Variants in FAM200B observed in about 807,000 individuals in gnomAD.
FAM200B encodes zinc finger BED-type containing 11.
A neutral mutation model predicts 33.1 loss-of-function variants in FAM200B; 32 were observed. The observed-to-expected ratio is 0.97, with a 90% CI of 0.73 to 1.30. The LOEUF (loss-of-function observed/expected upper bound fraction) is 1.30. Among genes scored for constraint, FAM200B ranks in the 50% most tolerant of loss-of-function variants. FAM200B has a pLI of 0.00. For missense variants in FAM200B, 741 were observed against 754.0 expected, an observed-to-expected ratio of 0.98 and a Z score of 0.20; for synonymous variants, 240 against 264.8, an observed-to-expected ratio of 0.91 and a Z score of 0.91.
At chr4:15,644,838 A>G in the FAM200B span, 2 of 641,550 alleles carry the variant, frequency 3.1e-6, no homozygotes, top group Non-Finnish European at 5.2e-6. Flanking sequence ...AAGTACAAAT[A>G]AAAGAAATTC....
rs1209998441 is a variant in FAM200B at position 15,687,989 on chromosome 4, AT to A, written c.1014del (p.Pro339HisfsTer8). ...TCGTGAAGGTTTAGCATCCAGAGAAATTCCACAGAATCTCATGGAGGTATTG... is the reference window on the plus strand; with the variant it reads ...TCGTGAAGGTTTAGCATCCAGAGAAATCCACAGAATCTCATGGAGGTATTG... ...IHREGLASRE[I>X]PQNLMEVLKN... is the part of the protein sequence containing the mutation. On this transcript the variant is annotated frameshift_variant, in exon 2 of 2. Coordinates refer to ENST00000422728, the MANE Select transcript of FAM200B (RefSeq NM_001145191.2). LOFTEE classifies it high-confidence loss of function. 4 of 1,551,126 alleles carry A rather than the reference AT, an allele frequency of 2.6e-6. No individual in the cohort carries two copies. The highest frequency in any genetic ancestry group is 3.5e-6 in the Non-Finnish European group (4 of 1,146,658).
intron 1 of FAM200B, among the ~76,000 whole-genome samples, chr4:15,685,130 C>G (rs1718712152): frequency 6.6e-6 from 1 of 152,052 alleles, no homozygotes; most frequent in Non-Finnish European, 1.5e-5. Flanking sequence ...GTAACTAGAC[C>G]AATAACACAA....
the FAM200B span, among the ~76,000 whole-genome samples, chr4:15,649,855 T>C: frequency 6.6e-6 from 1 of 151,364 alleles, no homozygotes; most frequent in African/African-American, 2.4e-5. Context: ...ACAAACAGAG[T>C]CTCAGGAAGA....
In FAM200B at chr4:15,688,952, T is replaced by C. The variant is rs540538776; in HGVS notation, c.*1T>C. The stretch of plus-strand genomic sequence containing the variant: ...GAACAGGCAAGCACACCCATCATAG[T>C]AAATAAAAATCTTACCTAGCTTTTG... On this transcript the variant is annotated 3_prime_UTR_variant, in exon 2 of 2. Coordinates refer to ENST00000422728, the MANE Select transcript of FAM200B (RefSeq NM_001145191.2). The C allele has an allele frequency of 7.7e-6, 11 of 1,431,124 alleles. No homozygotes were observed. Among genetic ancestry groups the C allele is most frequent in the Non-Finnish European group, 9.2e-6 (10 of 1,087,030 alleles). The allele number at this position is 1,431,124 out of a possible 1,614,324, so 88.7% of individuals were successfully genotyped here.
chr4:15,655,909 A>T, the FAM200B span, among the ~76,000 whole-genome samples: 1 of 152,224 alleles, frequency 6.6e-6, no homozygotes, highest in African/African-American at 2.4e-5. Context: ...GCGGTTGGTG[A>T]ACCAGAGCTG....
At chr4:15,649,796 C>T in the FAM200B span, among the ~76,000 whole-genome samples, 1 of 151,944 alleles carries the variant, frequency 6.6e-6, no homozygotes, top group East Asian at 1.9e-4. Context: ...ATATTTAATT[C>T]TTAAAACAAC....
At chr4:15,671,445 G>T in the FAM200B span, among the ~76,000 whole-genome samples, 28 of 151,842 alleles carry the variant, frequency 1.8e-4, no homozygotes, top group African/African-American at 6.5e-4. Flanking sequence ...TCTGGTTTGG[G>T]TTTTTGTTTA....
the FAM200B span, chr4:15,655,412 T>C: frequency 1.0e-6 from 1 of 991,362 alleles, no homozygotes; most frequent in Non-Finnish European, 1.2e-6. Context: ...GCGCGCCCGG[T>C]CGGCTTGGCC....
the FAM200B span, among the ~76,000 whole-genome samples, chr4:15,663,970 G>GCATGAA: frequency 6.6e-6 from 1 of 152,154 alleles, no homozygotes; most frequent in Non-Finnish European, 1.5e-5. Context: ...CAGAATGACT[G>GCATGAA]CATGAATTGT....
the FAM200B span, among the ~76,000 whole-genome samples, chr4:15,662,271 C>A: frequency 6.7e-6 from 1 of 150,346 alleles, no homozygotes; most frequent in Non-Finnish European, 1.5e-5. Context: ...TAGGCTCCTT[C>A]CACGGCTCTA....
the FAM200B span, among the ~76,000 whole-genome samples, chr4:15,639,959 G>A: frequency 1.6e-4 from 25 of 152,110 alleles, no homozygotes; most frequent in African/African-American, 5.6e-4. Flanking sequence ...CCATATTAGA[G>A]ACAGAAGAAA....
the FAM200B span, among the ~76,000 whole-genome samples, chr4:15,669,551 A>C: frequency 6.6e-6 from 1 of 152,220 alleles, no homozygotes; most frequent in African/African-American, 2.4e-5. Context: ...ATGCTTTATG[A>C]TAAAAAATTT....
At chr4:15,668,576 G>C in the FAM200B span, among the ~76,000 whole-genome samples, 1 of 151,716 alleles carries the variant, frequency 6.6e-6, no homozygotes, top group Non-Finnish European at 1.5e-5. Context: ...AAAGAAAAAA[G>C]GAAGTATAAA....
the FAM200B span, chr4:15,655,105 G>T: frequency 2.1e-6 from 2 of 969,974 alleles, no homozygotes; most frequent in Non-Finnish European, 2.6e-6. Context: ...CGACGGCACG[G>T]GGCTGCGGGC....
the FAM200B span, among the ~76,000 whole-genome samples, chr4:15,654,133 C>T: frequency 6.6e-6 from 1 of 152,210 alleles, no homozygotes; most frequent in Non-Finnish European, 1.5e-5. Flanking sequence ...AATCGCCTGG[C>T]TGAGCTATGA....
the FAM200B span, among the ~76,000 whole-genome samples, chr4:15,656,801 A>G: frequency 1.3e-5 from 2 of 152,088 alleles, no homozygotes; most frequent in African/African-American, 4.8e-5. Context: ...TTATAACAGT[A>G]CCGTCTGTAA....
the FAM200B span, among the ~76,000 whole-genome samples, chr4:15,666,026 A>ATT: frequency 1.4e-4 from 22 of 151,756 alleles, no homozygotes; most frequent in African/African-American, 5.3e-4. Context: ...CTTTTTTTAA[A>ATT]AAAAAAAAAA....
In FAM200B at chr4:15,687,259, G is replaced by A. The variant is rs183742593; in HGVS notation, c.282G>A (p.Ala94=). Residue 94 remains alanine (A), a synonymous_variant, in exon 2 of 2, where the codon GCG becomes GCA. Coordinates refer to ENST00000422728, the MANE Select transcript of FAM200B (RefSeq NM_001145191.2). ...GTGTTATTTGTAATAATATTCTTGC[G>A]AATGAAAGCTTAAAACCTTCGAAAT... ...PQCVICNNIL[A]NESLKPSKLK... 103 of 1,546,184 alleles carry A rather than the reference G, an allele frequency of 6.7e-5. No individual in the cohort carries two copies. The highest frequency in any genetic ancestry group is 3.0e-4 in the Admixed American group (15 of 50,138).
chr4:15,682,311 C>T (rs1271702273), intron 1 of FAM200B, among the ~76,000 whole-genome samples: 1 of 152,178 alleles, frequency 6.6e-6, no homozygotes, highest in Non-Finnish European at 1.5e-5. Flanking sequence ...GACAGATTTC[C>T]AGTGCCTTCA....
Sources: allele counts gnomAD v4.1 joint callset (sites outside exome capture counted in the v4.1 genomes callset), GRCh38; gene constraint gnomAD v4.1.1; transcripts MANE v1.5; gene names NCBI Gene and HGNC (gene_info 2026-07-23, HGNC 2026-07-21).